TP53BP1: variants seen among roughly 807,000 people sequenced by gnomAD.
TP53BP1 encodes the protein tumor protein p53 binding protein 1, also known as TP53-binding protein 1.
A neutral mutation model predicts 200.8 loss-of-function variants in TP53BP1; 61 were observed. The ratio of observed to expected loss-of-function variants is 0.30; its 90% CI spans 0.25 to 0.38. TP53BP1 has a LOEUF of 0.38. Ranked by LOEUF, TP53BP1 falls within the 10% of genes least tolerant of loss-of-function variation. TP53BP1 has a pLI of 1.00. For missense variants in TP53BP1, 2,144 were observed against 2,371.9 expected (o/e 0.90, Z 2.00); for synonymous variants, 822 against 844.3 (o/e 0.97, Z 0.46).
At chr15:43,423,547 C>G (rs2045455414) in intron 18 of TP53BP1, among the ~76,000 whole-genome samples, 1 of 150,482 alleles carries the variant, frequency 6.6e-6, no homozygotes, top group South Asian at 2.1e-4. Flanking sequence ...CTCCCAGGTA[C>G]TCGAAAAGCT....
Position 43,456,463 on chromosome 15 carries a change from T to G in TP53BP1, c.2145A>C (p.Lys715Asn). Residue 715 changes from lysine to asparagine, a missense_variant, in exon 12 of 28, where the codon AAA becomes AAC. Physicochemically the swap from Lys to Asn is moderately conservative, Grantham distance 94. Around this residue, in one of 4 missense-constraint regions of TP53BP1, gnomAD observed 1,700 missense variants for 1,710.3 expected, o/e 0.99. Transcript: ENST00000382044. ...CAACTTCCATAGCTTCTGAGCATTC[T>G]TTTTTTGGCATTTCCTTTTGAAGAC... is the stretch of plus-strand genomic sequence containing the variant. ...GLCLQKEMPKKECSEAMEVET... is the reference protein window; with the variant it reads ...GLCLQKEMPKNECSEAMEVET... 6.4e-7 allele frequency: 1 copy of G among 1,566,552 alleles called. No individual in the cohort carries two copies.
At position 43,405,198 on chromosome 15, in the gene TP53BP1, G is replaced by A. The variant is rs1460218262; in HGVS notation, c.*2185C>T. 2 of 1,613,890 alleles carry A rather than the reference G, an allele frequency of 1.2e-6. No homozygotes were observed. Among genetic ancestry groups the A allele is most frequent in the Non-Finnish European group, 8.5e-7 (1 of 1,179,962 alleles). On this transcript the variant is annotated 3_prime_UTR_variant, in exon 28 of 28. Transcript: ENST00000382044. ...CTTAATAAGGCTCTTTTTCTCTTTT[G>A]TAGTTTCGGGATGTGAAAATTTCTG...
intron 18 of TP53BP1, among the ~76,000 whole-genome samples, chr15:43,427,290 A>T (rs372617567): frequency 5.9e-5 from 9 of 152,264 alleles, no homozygotes; most frequent in African/African-American, 1.9e-4. Context: ...CAGGTCTATG[A>T]CCACACACAG....
intron 21 of TP53BP1, chr15:43,417,312 T>C (rs2045288769): frequency 6.6e-6 from 1 of 152,166 alleles, no homozygotes; most frequent in African/African-American, 2.4e-5. Flanking sequence ...AATGAAGAGC[T>C]AAAAGAAACC....
chr15:43,492,719 T>C (rs2467736), intron 1 of TP53BP1, among the ~76,000 whole-genome samples: 41,855 of 150,212 alleles, frequency 0.28, 9,961 homozygotes, highest in African/African-American at 0.65. Flanking sequence ...GTAGACACCC[T>C]TTCCCCTCCT....
rs750450781 is a variant in TP53BP1, at chr15:43,446,466, A to C, written c.2961T>G (p.Asp987Glu). ...KGDSGAAPDV[D>E]DKLCLRMKLV... is the part of the protein sequence containing the mutation. ...GTTTCATTCTTAGACATAATTTATC[A>C]TCCACGTCTGGGGCAGCCCCAGAAT... is the stretch of plus-strand genomic sequence containing the variant. The change falls in exon 14 of 28, where the codon GAT becomes GAG. Residue 987 changes from aspartate (D) to glutamate (E), a missense_variant. This residue lies in a region of TP53BP1 where 1,700 missense variants were observed against 1,710.3 expected (regional missense o/e 0.99). Coordinates refer to ENST00000382044, the MANE Select transcript of TP53BP1 (RefSeq NM_001141980.3). 2 of 1,614,164 alleles carry C rather than the reference A, an allele frequency of 1.2e-6. No individual in the cohort carries two copies. The highest frequency in any genetic ancestry group is 1.7e-6 in the Non-Finnish European group (2 of 1,180,024).
intron 23 of TP53BP1, chr15:43,414,040 A>C (rs946494586): frequency 2.2e-6 from 1 of 446,658 alleles, no homozygotes; most frequent in Non-Finnish European, 4.6e-6. Flanking sequence ...GAGAAAAAAA[A>C]CAGATACCTG....
upstream of TP53BP1, among the ~76,000 whole-genome samples, chr15:43,496,398 C>T (rs553366803): frequency 2.0e-4 from 30 of 152,174 alleles, no homozygotes; most frequent in African/African-American, 6.5e-4. Context: ...AATCTAAATA[C>T]TATATGACTT....
chr15:43,466,415 A>C (rs1274578073), intron 11 of TP53BP1, among the ~76,000 whole-genome samples: 2 of 152,236 alleles, frequency 1.3e-5, no homozygotes, highest in Non-Finnish European at 2.9e-5. Context: ...AGACAATTAC[A>C]ATTTCAGAGA....
intron 15 of TP53BP1, among the ~76,000 whole-genome samples, chr15:43,439,364 C>A (rs968215851): frequency 6.6e-6 from 1 of 152,114 alleles, no homozygotes; most frequent in East Asian, 1.9e-4. Context: ...CATGACGAAA[C>A]CCCATCTCTA....
chr15:43,454,021 A>G (rs973788997), intron 12 of TP53BP1, among the ~76,000 whole-genome samples: 1 of 151,928 alleles, frequency 6.6e-6, no homozygotes, highest in Non-Finnish European at 1.5e-5. Context: ...CCTGGCCAGC[A>G]TGGTGAAACC....
intron 7 of TP53BP1, among the ~76,000 whole-genome samples, chr15:43,479,075 A>G (rs1454166183): frequency 2.0e-5 from 3 of 152,158 alleles, no homozygotes; most frequent in Non-Finnish European, 4.4e-5. Context: ...AATCAACAAA[A>G]AAAGGTCTTT....
intron 11 of TP53BP1, among the ~76,000 whole-genome samples, chr15:43,462,743 T>C (rs553666240): frequency 1.9e-4 from 29 of 152,310 alleles, no homozygotes; most frequent in Middle Eastern, 3.4e-3. Flanking sequence ...ACTCACAATA[T>C]AAAATTAACC....
chr15:43,405,415 C>T lies in TP53BP1; in HGVS notation c.*1968G>A. The T allele has an allele frequency of 1.6e-6, 1 of 611,482 alleles. No individual in the cohort carries two copies. Among genetic ancestry groups the T allele is most frequent in the South Asian group, 2.0e-5 (1 of 49,038 alleles). The allele number at this position is 611,482 out of a possible 1,614,324, so 37.9% of individuals were successfully genotyped here. A position where few individuals can be genotyped will look rare whatever the true frequency, so the allele number is the denominator to read the frequency against. ...TCCCATGTGGAAGGGTCTCTCCCATCAAGGAGAACATGTGGCATCTCTGAT... is the reference window on the plus strand; with the variant it reads ...TCCCATGTGGAAGGGTCTCTCCCATTAAGGAGAACATGTGGCATCTCTGAT... On this transcript the variant is annotated 3_prime_UTR_variant, in exon 28 of 28. Coordinates refer to ENST00000382044, the MANE Select transcript of TP53BP1 (RefSeq NM_001141980.3).
rs749856664 is a variant in TP53BP1 at position 43,456,800 on chromosome 15, C to T, written c.1808G>A (p.Ser603Asn). 1.9e-6 allele frequency: 3 copies of T among 1,613,994 alleles called. No homozygotes were observed. The highest frequency in any genetic ancestry group is 2.5e-6 in the Non-Finnish European group (3 of 1,180,032). The change falls in exon 12 of 28, where the codon AGT (serine) becomes AAT (asparagine). Residue 603 changes from serine to asparagine, a missense_variant. Ser to Asn is a conservative substitution (Grantham distance 46). Transcript: ENST00000382044. ...GDDTDTRDDI[S>N]ILATGCKGRE... ...GCCCTTGCAACCAGTGGCTAAAATA[C>T]TAATGTCATCCCTGGTGTCTGTATC...
intron 11 of TP53BP1, among the ~76,000 whole-genome samples, chr15:43,462,756 T>C (rs188614320): frequency 2.8e-4 from 43 of 152,296 alleles, no homozygotes; most frequent in African/African-American, 1.0e-3. Flanking sequence ...AATTAACCCA[T>C]TTTAAACTAA....
intron 11 of TP53BP1, among the ~76,000 whole-genome samples, chr15:43,460,899 G>A (rs1270941041): frequency 2.6e-5 from 4 of 151,074 alleles, no homozygotes; most frequent in African/African-American, 4.9e-5. Context: ...GGTGGCACAC[G>A]TCTGTGGTCA....
chr15:43,403,637 A>T lies in TP53BP1; in HGVS notation c.*3746T>A, dbSNP rs1237238968. Reference sequence around the variant, plus strand: ...TTCTCCTAACACTTTAACTTCATGGATGTACCTTCCTTCCTTTCCTAATGC... The same window carrying T: ...TTCTCCTAACACTTTAACTTCATGGTTGTACCTTCCTTCCTTTCCTAATGC... On this transcript the variant is annotated 3_prime_UTR_variant, in exon 28 of 28. Transcript: ENST00000382044. 7.3e-7 allele frequency: 1 copy of T among 1,371,148 alleles called. No homozygotes were observed. The highest frequency in any genetic ancestry group is 1.0e-6 in the Non-Finnish European group (1 of 964,932). The allele number at this position is 1,371,148 out of a possible 1,614,324, so 84.9% of individuals were successfully genotyped here.
chr15:43,470,055 C>T lies in TP53BP1; in HGVS notation c.1192G>A (p.Asp398Asn). 4 of 1,612,598 alleles carry T rather than the reference C, an allele frequency of 2.5e-6. No homozygotes were observed. Among genetic ancestry groups the T allele is most frequent in the Non-Finnish European group, 3.4e-6 (4 of 1,179,882 alleles). Residue 398 changes from aspartate to asparagine, a missense_variant, in exon 11 of 28, where the codon GAC becomes AAC. Coordinates refer to ENST00000382044, the MANE Select transcript of TP53BP1 (RefSeq NM_001141980.3). Reference sequence around the variant, plus strand: ...CCTTCTTCAGATAACACTGACGTGTCCATTGGCTTATCTGGTTTAAAACAG... The same window carrying T: ...CCTTCTTCAGATAACACTGACGTGTTCATTGGCTTATCTGGTTTAAAACAG... ...EQEGRQDKPM[D>N]TSVLSEEGGE...
Sources: gnomAD v4.1 joint callset for allele counts (sites outside exome capture counted in the v4.1 genomes callset) on GRCh38, gnomAD v4.1.1 for gene constraint, gnomAD v4.1.1 regional missense constraint, MANE v1.5 for transcripts, NCBI Gene and HGNC (gene_info 2026-07-23, HGNC 2026-07-21) for gene names.